Variants in HHLA2 observed in about 807,000 individuals in gnomAD.
HHLA2 encodes the protein HERV-H LTR-associating protein 2.
Under a neutral mutation model 45.9 loss-of-function variants are expected in HHLA2, and 48 were observed. The ratio of observed to expected loss-of-function variants is 1.05; its 90% CI spans 0.83 to 1.33. The LOEUF is 1.33. Among genes scored for constraint, HHLA2 ranks in the 40% most tolerant of loss-of-function variants. The pLI is 0.00. For missense variants in HHLA2, 462 were observed against 494.3 expected, an observed-to-expected ratio of 0.93 and a Z score of 0.62; for synonymous variants, 161 against 173.9, an observed-to-expected ratio of 0.93 and a Z score of 0.59.
intron 3 of HHLA2, among the ~76,000 whole-genome samples, chr3:108,349,166 CA>C (rs1257050403): frequency 6.8e-6 from 1 of 147,292 alleles, no homozygotes. Context: ...GGTAGAGGAA[CA>C]AAAAACCCTT....
At chr3:108,374,152 C>A (rs938726129) in intron 8 of HHLA2, among the ~76,000 whole-genome samples, 15 of 150,300 alleles carry the variant, frequency 1.0e-4, no homozygotes, top group African/African-American at 3.4e-4. Flanking sequence ...TGGAACAGAA[C>A]AGAGCCCTCA....
chr3:108,314,981 C>T (rs2107323339), intron 2 of HHLA2, among the ~76,000 whole-genome samples: 1 of 152,290 alleles, frequency 6.6e-6, no homozygotes, highest in East Asian at 1.9e-4. Flanking sequence ...AGAAAGTTTG[C>T]TGTCCTACTA....
chr3:108,314,071 C>A (rs2081063923), intron 2 of HHLA2, among the ~76,000 whole-genome samples: 1 of 152,178 alleles, frequency 6.6e-6, no homozygotes, highest in Non-Finnish European at 1.5e-5. Context: ...CTAGTACACA[C>A]CGTGATGTCG....
At chr3:108,354,829 G>A (rs1328986645) in intron 5 of HHLA2, among the ~76,000 whole-genome samples, 2 of 152,090 alleles carry the variant, frequency 1.3e-5, no homozygotes, top group Admixed American at 1.3e-4. Context: ...GTTTTTCAAT[G>A]AGGCCATTAG....
intron 2 of HHLA2, among the ~76,000 whole-genome samples, chr3:108,322,323 A>G (rs1168859418): frequency 1.3e-5 from 2 of 152,240 alleles, no homozygotes; most frequent in Non-Finnish European, 2.9e-5. Flanking sequence ...TGCCTGGACC[A>G]TCAATTCAGA....
chr3:108,315,854 G>A (rs2081094604), intron 2 of HHLA2, among the ~76,000 whole-genome samples: 1 of 152,062 alleles, frequency 6.6e-6, no homozygotes, highest in Non-Finnish European at 1.5e-5. Context: ...TCCTTCACAA[G>A]CCTGGTCTAT....
intron 3 of HHLA2, among the ~76,000 whole-genome samples, chr3:108,346,816 T>C (rs955632217): frequency 3.9e-5 from 6 of 152,234 alleles, no homozygotes; most frequent in Admixed American, 2.6e-4. Flanking sequence ...TCACAATTAG[T>C]ACTGATGGCT....
At chr3:108,303,569 CAT>C (rs1245796829) in intron 1 of HHLA2, among the ~76,000 whole-genome samples, 3 of 152,094 alleles carry the variant, frequency 2.0e-5, no homozygotes, top group East Asian at 1.9e-4. Flanking sequence ...TAATATAAAA[CAT>C]ATAATTATTT....
intron 3 of HHLA2, among the ~76,000 whole-genome samples, chr3:108,334,514 A>G (rs2081439027): frequency 6.6e-6 from 1 of 152,190 alleles, no homozygotes; most frequent in South Asian, 2.1e-4. Flanking sequence ...TCCTATTGTA[A>G]TAGACTTTTT....
At chr3:108,309,155 G>C (rs935319192) in intron 1 of HHLA2, among the ~76,000 whole-genome samples, 5 of 152,140 alleles carry the variant, frequency 3.3e-5, no homozygotes, top group Non-Finnish European at 5.9e-5. Context: ...TTAGATTTAA[G>C]TCTTTAATCC....
intron 1 of HHLA2, among the ~76,000 whole-genome samples, chr3:108,298,897 T>C (rs2080805154): frequency 6.6e-6 from 1 of 150,746 alleles, no homozygotes; most frequent in Admixed American, 6.6e-5. Flanking sequence ...GATAGGCAAA[T>C]GTACACTTGC....
chr3:108,316,569 T>C (rs560149126), intron 2 of HHLA2, among the ~76,000 whole-genome samples: 3 of 152,214 alleles, frequency 2.0e-5, no homozygotes, highest in Admixed American at 1.3e-4. Flanking sequence ...CTGGAGAACC[T>C]GCAGACAACT....
At chr3:108,321,112 A>AAAAAAAAAAAAAAAAAAAAAAAAAAAAAT (rs1491275001) in intron 2 of HHLA2, among the ~76,000 whole-genome samples, 1 of 149,504 alleles carries the variant, frequency 6.7e-6, no homozygotes, top group Non-Finnish European at 1.5e-5. Context: ...AAAAAAAAAA[A>AAAAAAAAAAAAAAAAAAAAAAAAAAAAAT]GACTGTGCCA....
chr3:108,372,902 A>T (rs1246416098), intron 8 of HHLA2, among the ~76,000 whole-genome samples: 1 of 152,202 alleles, frequency 6.6e-6, no homozygotes, highest in African/African-American at 2.4e-5. Context: ...CAGAGGTACA[A>T]AGGAGGAGCT....
At chr3:108,357,127 C>T (rs983890162) in intron 6 of HHLA2, among the ~76,000 whole-genome samples, 3 of 152,120 alleles carry the variant, frequency 2.0e-5, no homozygotes, top group African/African-American at 7.2e-5. Flanking sequence ...CAGAGAGGCC[C>T]TGGATTTGCC....
chr3:108,307,334 A>C (rs941183435), intron 1 of HHLA2, among the ~76,000 whole-genome samples: 2 of 152,128 alleles, frequency 1.3e-5, no homozygotes, highest in African/African-American at 4.8e-5. Context: ...AGTTATGAAG[A>C]TATTATAAGA....
At chr3:108,376,470 A>C (rs981355351) in intron 9 of HHLA2, 23 bp from the exon 9 acceptor site, 1 of 1,587,218 alleles carries the variant, frequency 6.3e-7, no homozygotes, top group Non-Finnish European at 8.6e-7. Flanking sequence ...ATTATTTTTA[A>C]GTTCTCTTTT....
chr3:108,301,597 T>G (rs1341368194), intron 1 of HHLA2, among the ~76,000 whole-genome samples: 2 of 152,086 alleles, frequency 1.3e-5, no homozygotes, highest in African/African-American at 4.8e-5. Context: ...ATATTCCTAT[T>G]TTCTTCCGTA....
intron 2 of HHLA2, among the ~76,000 whole-genome samples, chr3:108,311,504 A>G (rs3811692): frequency 0.11 from 16,045 of 152,116 alleles, 1,605 homozygotes; most frequent in East Asian, 0.53. Context: ...AAAATTATGA[A>G]TGAAATGGAG....
Sources: allele counts gnomAD v4.1 joint callset (sites outside exome capture counted in the v4.1 genomes callset), GRCh38; gene constraint gnomAD v4.1.1; transcripts MANE v1.5; gene names NCBI Gene and HGNC (gene_info 2026-07-23, HGNC 2026-07-21).